Variants in PLEKHM3 observed in about 807,000 individuals in gnomAD.
The protein encoded by PLEKHM3 is pleckstrin homology domain-containing family M member 3.
In PLEKHM3, 45 loss-of-function variants were observed where a neutral mutation model predicts 81.8. That is an observed-to-expected ratio of 0.55 (90% confidence interval 0.43 to 0.71). The LOEUF is 0.71. Among genes scored for constraint, PLEKHM3 ranks in the 30% least tolerant of loss-of-function variants. The pLI, the probability that PLEKHM3 is intolerant of heterozygous loss-of-function variation, is 0.00. For missense variants in PLEKHM3, 788 were observed against 924.3 expected, an observed-to-expected ratio of 0.85 and a Z score of 1.91; for synonymous variants, 352 against 356.4, an observed-to-expected ratio of 0.99 and a Z score of 0.14.
chr2:207,983,565 C>T (rs1039488647), intron 2 of PLEKHM3, among the ~76,000 whole-genome samples: 2 of 148,346 alleles, frequency 1.3e-5, no homozygotes, highest in Admixed American at 1.4e-4. Flanking sequence ...ATACTGAAAC[C>T]ACAAGACAAA....
At chr2:207,983,751 G>A (rs1691623464) in intron 2 of PLEKHM3, among the ~76,000 whole-genome samples, 1 of 152,166 alleles carries the variant, frequency 6.6e-6, no homozygotes, top group African/African-American at 2.4e-5. Context: ...ACTTACTGAA[G>A]AGGAAGAAGG....
chr2:208,021,665 T>G (rs1693136296), intron 1 of PLEKHM3, among the ~76,000 whole-genome samples: 1 of 152,262 alleles, frequency 6.6e-6, no homozygotes, highest in South Asian at 2.1e-4. Flanking sequence ...GTTCATTGCT[T>G]GTCATTTTGA....
At chr2:207,947,065 T>C (rs906372741) in intron 3 of PLEKHM3, among the ~76,000 whole-genome samples, 8 of 152,234 alleles carry the variant, frequency 5.3e-5, no homozygotes, top group African/African-American at 1.9e-4. Flanking sequence ...AACTGTTATG[T>C]AGCCTTCCTT....
At chr2:207,832,029 G>A (rs11688618) in intron 7 of PLEKHM3, among the ~76,000 whole-genome samples, 354 of 152,320 alleles carry the variant, frequency 2.3e-3, no homozygotes, top group Non-Finnish European at 4.1e-3. Flanking sequence ...TATCTCTGCT[G>A]ATACCAGGCT....
At chr2:207,910,872 T>C (rs1046987748) in intron 5 of PLEKHM3, among the ~76,000 whole-genome samples, 2 of 152,086 alleles carry the variant, frequency 1.3e-5, no homozygotes, top group Non-Finnish European at 2.9e-5. Context: ...AGTGGGTAGA[T>C]ACCAGAGACT....
At chr2:207,951,244 G>A (rs997003355) in intron 3 of PLEKHM3, among the ~76,000 whole-genome samples, 3 of 151,916 alleles carry the variant, frequency 2.0e-5, no homozygotes, top group African/African-American at 7.3e-5. Context: ...TGTCAAAGCT[G>A]GACTCTGAAA....
intron 7 of PLEKHM3, among the ~76,000 whole-genome samples, chr2:207,858,401 T>C (rs917062675): frequency 6.6e-6 from 1 of 151,934 alleles, no homozygotes; most frequent in African/African-American, 2.4e-5. Flanking sequence ...CTTGGTATAG[T>C]CTCAAAATTA....
chr2:207,995,155 C>T (rs184352977), intron 2 of PLEKHM3, among the ~76,000 whole-genome samples: 53 of 152,268 alleles, frequency 3.5e-4, no homozygotes, highest in African/African-American at 1.2e-3. Context: ...GACCATCTTC[C>T]TTTTGCAGAT....
chr2:208,017,515 G>GC (rs1318845212), intron 1 of PLEKHM3, among the ~76,000 whole-genome samples: 5 of 152,156 alleles, frequency 3.3e-5, no homozygotes, highest in African/African-American at 1.2e-4. Context: ...ATTCAGTGGC[G>GC]CAAGTGTTGC....
intron 3 of PLEKHM3, among the ~76,000 whole-genome samples, chr2:207,953,863 G>C (rs1178071592): frequency 1.3e-5 from 2 of 151,620 alleles, no homozygotes; most frequent in African/African-American, 4.8e-5. Flanking sequence ...ACTGCACAGA[G>C]AGCTGACATG....
intron 6 of PLEKHM3, among the ~76,000 whole-genome samples, chr2:207,906,214 G>A (rs1444227818): frequency 6.6e-6 from 1 of 152,194 alleles, no homozygotes; most frequent in Non-Finnish European, 1.5e-5. Flanking sequence ...CAGGCACTAC[G>A]ATCAGGTAGA....
chr2:207,944,579 T>G (rs1172309712), intron 4 of PLEKHM3, among the ~76,000 whole-genome samples: 1 of 152,226 alleles, frequency 6.6e-6, no homozygotes, highest in Non-Finnish European at 1.5e-5. Flanking sequence ...CAGGGTAACT[T>G]GGACTGGGTA....
chr2:207,973,010 G>C (rs1281888233), intron 3 of PLEKHM3, among the ~76,000 whole-genome samples: 1 of 152,232 alleles, frequency 6.6e-6, no homozygotes, highest in East Asian at 1.9e-4. Flanking sequence ...CTATTTAAAG[G>C]GGGAAGAACT....
chr2:207,867,631 G>GAC lies in PLEKHM3; in HGVS notation c.1951-6371_1951-6370dup, dbSNP rs150604513. Among the ~76,000 whole-genome samples the GAC allele has an allele frequency of 4.4e-3, 671 of 151,402 alleles. 3 individuals are homozygous for GAC. The highest frequency in any genetic ancestry group is 0.016 in the African/African-American group (646 of 41,280). On this transcript the variant is annotated intron_variant, in intron 6 of 7. Transcript: ENST00000427836. Reference sequence around the variant, plus strand: ...CTTTTTGAAAAAGCATACATACATAGACACACACACACACAAAATTATATA... The same window carrying GAC: ...CTTTTTGAAAAAGCATACATACATAGACACACACACACACACAAAATTATATA...
intron 1 of PLEKHM3, among the ~76,000 whole-genome samples, chr2:208,013,653 C>G (rs1300779182): frequency 6.6e-6 from 1 of 152,180 alleles, no homozygotes; most frequent in African/African-American, 2.4e-5. Context: ...AATGCAAAGG[C>G]CTTCTTCACA....
chr2:207,932,799 T>A (rs562198344), intron 4 of PLEKHM3, among the ~76,000 whole-genome samples: 5 of 152,194 alleles, frequency 3.3e-5, no homozygotes, highest in African/African-American at 9.6e-5. Context: ...ATTCACTTGG[T>A]GAACAAATGT....
Position 208,000,684 on chromosome 2 carries a change from C to T in PLEKHM3, c.610+346G>A, listed in dbSNP as rs1299548938. ...TACTATAAGAACAGGCAGTATCATA[C>T]AATGTGCACAGAAAAATACTATTAA... On this transcript the variant is annotated intron_variant, in intron 2 of 7. Coordinates refer to ENST00000427836, the MANE Select transcript of PLEKHM3 (RefSeq NM_001080475.3). 2.0e-5 allele frequency among the ~76,000 whole-genome samples: 3 copies of T among 152,258 alleles called. No individual in the cohort carries two copies. The East Asian group carries it at 5.8e-4, about 29-fold the overall frequency.
chr2:207,893,075 T>G (rs1348547961), intron 6 of PLEKHM3, among the ~76,000 whole-genome samples: 1 of 152,190 alleles, frequency 6.6e-6, no homozygotes, highest in Non-Finnish European at 1.5e-5. Context: ...AACTCCTGGC[T>G]CCAATCTTTG....
rs892838240 is a variant in PLEKHM3, at chr2:207,828,161, T to C, written c.*158A>G. Reference sequence around the variant, plus strand: ...ACACAGAGCATACGTACAGGACGTATAGGTATTTGCGTATATATAAATAAA... The same window carrying C: ...ACACAGAGCATACGTACAGGACGTACAGGTATTTGCGTATATATAAATAAA... On this transcript the variant is annotated 3_prime_UTR_variant, in exon 8 of 8. Transcript: ENST00000427836. 4.1e-5 allele frequency: 22 copies of C among 532,058 alleles called. No individual in the cohort carries two copies. The Middle Eastern group carries it at 3.8e-3, about 91-fold the overall frequency. 33.0% of individuals were successfully genotyped at this position (532,058 alleles called of 1,614,324 possible).
Sources: allele counts gnomAD v4.1 joint callset (sites outside exome capture counted in the v4.1 genomes callset), GRCh38; gene constraint gnomAD v4.1.1; transcripts MANE v1.5; gene names NCBI Gene and HGNC (gene_info 2026-07-23, HGNC 2026-07-21).